Variants in ARHGAP33 observed in about 807,000 individuals in gnomAD.
ARHGAP33 encodes the protein rho GTPase-activating protein 33.
Under a neutral mutation model 126.2 loss-of-function variants are expected in ARHGAP33, and 57 were observed. The ratio of observed to expected loss-of-function variants is 0.45; its 90% confidence interval spans 0.36 to 0.56. The LOEUF is 0.56. ARHGAP33 is among the 20% of genes least tolerant of loss of function. The pLI is 0.00. For synonymous variants in ARHGAP33, 711 were observed against 755.0 expected (o/e 0.94, Z 0.95); for missense variants, 1,500 against 1,748.3 (o/e 0.86, Z 2.53).
At position 35,786,664 on chromosome 19, in the gene ARHGAP33, C is replaced by G; in HGVS notation, c.2194C>G (p.Leu732Val). The stretch of plus-strand genomic sequence containing the variant: ...GCTGGACTTCAGCCCACCCCGCTGC[C>G]TGGAGGGACTCCGGGGGCTGGACTT... ...DELDFSPPRC[L>V]EGLRGLDFDP... The change falls in exon 20 of 21, where the codon CTG becomes GTG. Residue 732 changes from leucine (L) to valine (V), a missense_variant. Coordinates refer to ENST00000007510, the MANE Select transcript of ARHGAP33 (RefSeq NM_001366178.1). The surrounding 1 kb of genome is among the most constrained non-coding windows in gnomAD (Gnocchi z 7.0). 6.5e-7 allele frequency: 1 copy of G among 1,535,830 alleles called. No homozygotes were observed.
At position 35,779,136 on chromosome 19, in the gene ARHGAP33, C is replaced by T. The variant is rs1283021643; in HGVS notation, c.501+12C>T. On this transcript the variant is annotated intron_variant, in intron 6 of 20. Transcript: ENST00000007510. ...TCACCTGGATGGAGGTGGGCCTGGG[C>T]AGGGGGCTTGGAGATTCCGAGTGGG... 3.2e-6 allele frequency: 5 copies of T among 1,548,752 alleles called. No homozygotes were observed. The highest frequency in any genetic ancestry group is 2.4e-5 in the South Asian group (2 of 83,852).
Position 35,782,423 on chromosome 19 carries a change from TG to T in ARHGAP33, c.1137del (p.Gln380ArgfsTer65), listed in dbSNP as rs1235566781. Reference protein sequence around the residue: ...RIPELSGPAFLQDIHSVSSLC... With the variant: ...RIPELSGPAFXQDIHSVSSLC... ...CCGGAGCTGTCTGGCCCTGCATTCC[TG>T]CAGGACATCCACAGCGTGTCCTCCC... On this transcript the variant is annotated frameshift_variant, in exon 13 of 21. Transcript: ENST00000007510. LOFTEE classifies it high-confidence loss of function. The surrounding 1 kb of genome is among the most constrained non-coding windows in gnomAD (Gnocchi z 4.1). The T allele has an allele frequency of 6.2e-7, 1 of 1,613,006 alleles. No homozygotes were observed. Among genetic ancestry groups the T allele is most frequent in the Non-Finnish European group, 8.5e-7 (1 of 1,179,024 alleles).
rs759489761 is a variant in ARHGAP33, at chr19:35,782,440, G to A, written c.1153G>A (p.Val385Met). ...TGCATTCCTGCAGGACATCCACAGC[G>A]TGTCCTCCCTCTGCAAGCTCTACTT... The part of the protein sequence containing the change: ...GPAFLQDIHS[V>M]SSLCKLYFRE... Residue 385 changes from valine (V) to methionine (M), a missense_variant, in exon 13 of 21, where the codon GTG (valine) becomes ATG (methionine). Physicochemically the swap from Val to Met is conservative, Grantham distance 21. Around this residue, in one of 6 missense-constraint regions of ARHGAP33, gnomAD observed 281 missense variants for 413.7 expected, o/e 0.68. Transcript: ENST00000007510. The surrounding 1 kb of genome is among the most constrained non-coding windows in gnomAD (Gnocchi z 4.1). 5.0e-6 allele frequency: 8 copies of A among 1,613,432 alleles called. No homozygotes were observed. The highest frequency in any genetic ancestry group is 3.3e-5 in the Admixed American group (2 of 59,988).
rs766247560 is a variant in ARHGAP33, at chr19:35,785,215, A to C, written c.1748A>C (p.Gln583Pro). ...AGGAAAGGGGAGAGAGGGGAGAAGC[A>C]GCGGAAGCCAGGGGGCAGCAGCTGG... ...ERRKGERGEK[Q>P]RKPGGSSWKT... Residue 583 changes from glutamine to proline, a missense_variant, in exon 18 of 21, where the codon CAG (glutamine) becomes CCG (proline). Physicochemically the swap from Gln to Pro is moderately conservative, Grantham distance 76 (BLOSUM62 -1). This residue lies in a region of ARHGAP33 where 300 missense variants were observed against 291.1 expected (regional missense o/e 1.03). Coordinates refer to ENST00000007510, the MANE Select transcript of ARHGAP33 (RefSeq NM_001366178.1). 2 of 1,579,482 alleles carry C rather than the reference A, an allele frequency of 1.3e-6. No individual in the cohort carries two copies. The highest frequency in any genetic ancestry group is 1.7e-6 in the Non-Finnish European group (2 of 1,159,484).
chr19:35,786,831 C>T lies in ARHGAP33; in HGVS notation c.2361C>T (p.Pro787=), dbSNP rs1011085541. 4 of 1,560,124 alleles carry T rather than the reference C, an allele frequency of 2.6e-6. No individual in the cohort carries two copies. The highest frequency in any genetic ancestry group is 2.7e-5 in the African/African-American group (2 of 73,842). ...TCTCGCCCCGGGGGCCCACCAGCCC[C>T]GCCTCGCCTGCTGCCCTAGACATCT... ...QAISPRGPTS[P]ASPAALDISE... Residue 787 remains proline, a synonymous_variant, in exon 20 of 21, where the codon CCC becomes CCT. Transcript: ENST00000007510. The surrounding 1 kb of genome is among the most constrained non-coding windows in gnomAD (Gnocchi z 7.0).
At position 35,780,669 on chromosome 19, in the gene ARHGAP33, G is replaced by A. The variant is rs1238030306; in HGVS notation, c.769+21G>A. 1.9e-6 allele frequency: 3 copies of A among 1,610,318 alleles called. No homozygotes were observed. In the African/African-American group the frequency reaches 4.0e-5, roughly 22 times the overall value. ...GGCGGGTAAGTGCCATGGATGGATG[G>A]GAGGTGTGGGGAGGGGTGGGAAGGG... is the stretch of plus-strand genomic sequence containing the variant. On this transcript the variant is annotated intron_variant, in intron 9 of 20. Coordinates refer to ENST00000007510, the MANE Select transcript of ARHGAP33 (RefSeq NM_001366178.1).
In ARHGAP33 at chr19:35,787,163, T is replaced by C. The variant is rs1972162111; in HGVS notation, c.2603-5T>C. ...AGCTGAACCCCTCTCCATTCATTTATATAGGTCCTGATATGGAGTCACCAC... is the reference window on the plus strand; with the variant it reads ...AGCTGAACCCCTCTCCATTCATTTACATAGGTCCTGATATGGAGTCACCAC... On this transcript the variant is annotated splice_polypyrimidine_tract_variant and splice_region_variant and intron_variant, in intron 20 of 20. Transcript: ENST00000007510. 1 of 1,609,280 alleles carries C rather than the reference T, an allele frequency of 6.2e-7. No homozygotes were observed. The highest frequency in any genetic ancestry group is 1.3e-5 in the African/African-American group (1 of 74,608).
rs1392445214 is a variant in ARHGAP33 at position 35,782,531 on chromosome 19, C to T, written c.1230+14C>T. On this transcript the variant is annotated intron_variant, in intron 13 of 20. Transcript: ENST00000007510. This position sits in a 1 kb window ranked among gnomAD's most constrained non-coding sequence, Gnocchi z 4.1. ...GGGAAGTTCAGTGTGAGTAAGGGAGCTGGCGGGACGGAGGGGGCCGGGACG... is the reference window on the plus strand; with the variant it reads ...GGGAAGTTCAGTGTGAGTAAGGGAGTTGGCGGGACGGAGGGGGCCGGGACG... 1 of 1,613,280 alleles carries T rather than the reference C, an allele frequency of 6.2e-7. No homozygotes were observed. The highest frequency in any genetic ancestry group is 2.2e-5 in the East Asian group (1 of 44,862).
chr19:35,784,203 G>A lies in ARHGAP33; in HGVS notation c.1453G>A (p.Gly485Ser). The change falls in exon 16 of 21, where the codon GGC becomes AGC. Residue 485 changes from glycine (G) to serine (S), a missense_variant. Around this residue, in one of 6 missense-constraint regions of ARHGAP33, gnomAD observed 281 missense variants for 413.7 expected, o/e 0.68. Coordinates refer to ENST00000007510, the MANE Select transcript of ARHGAP33 (RefSeq NM_001366178.1). ...GGAGCTGGAGTCAGTGGGAATGGGT[G>A]GCGCGGCGGCGTTCCGGGAAGTTCG... ...SMELESVGMG[G>S]AAAFREVRVQ... The A allele has an allele frequency of 1.2e-6, 2 of 1,611,814 alleles. No individual in the cohort carries two copies. The highest frequency in any genetic ancestry group is 8.5e-7 in the Non-Finnish European group (1 of 1,178,720).
At chr19:35,785,791 T>C (rs1034644165) in intron 19 of ARHGAP33, 1 of 1,214,508 alleles carries the variant, frequency 8.2e-7, no homozygotes, top group African/African-American at 1.6e-5. Flanking sequence ...AGCAGCCCCA[T>C]TCCTTCTCCC....
intron 1 of ARHGAP33, among the ~76,000 whole-genome samples, chr19:35,776,180 C>T (rs1436991528): frequency 1.3e-5 from 2 of 149,838 alleles, no homozygotes; most frequent in African/African-American, 2.5e-5. Flanking sequence ...TCTCAATCCC[C>T]CCCGCCCCGC....
intron 6 of ARHGAP33, chr19:35,779,708 C>T (rs1385412677): frequency 2.9e-6 from 1 of 342,036 alleles, no homozygotes; most frequent in Non-Finnish European, 5.8e-6. Flanking sequence ...GGATTATAGG[C>T]ATGAGCCACT....
chr19:35,777,852 C>A lies in ARHGAP33; in HGVS notation c.133C>A (p.Arg45=), dbSNP rs768123260. 1 of 1,614,084 alleles carries A rather than the reference C, an allele frequency of 6.2e-7. No individual in the cohort carries two copies. Among genetic ancestry groups the A allele is most frequent in the Admixed American group, 1.7e-5 (1 of 60,002 alleles). The change falls in exon 3 of 21, where the codon CGG becomes AGG. Residue 45 remains arginine (R), a synonymous_variant. Transcript: ENST00000007510. ...CTCAGCTCCTCGAGGCCCCTTCCCG[C>A]GGCTGGCTGACTGCGCCCATTTCCA... ...RLSAPRGPFP[R]LADCAHFHYE...
chr19:35,779,596 A>G (rs1408792111), intron 6 of ARHGAP33, among the ~76,000 whole-genome samples: 2 of 151,896 alleles, frequency 1.3e-5, no homozygotes, highest in African/African-American at 4.8e-5. Context: ...CGCCCGGCTA[A>G]TTTTATATTT....
At position 35,785,298 on chromosome 19, in the gene ARHGAP33, TGGCTGGGGGGC is replaced by T; in HGVS notation, c.1832_1842del (p.Trp611TyrfsTer76). ...TGTCCCTCGAAAGAAGCCCCTGCCC[TGGCTGGGGGGC>T]ACCCGTGCCCCACCGCAGCCTTCAG... On this transcript the variant is annotated frameshift_variant, in exon 18 of 21. Coordinates refer to ENST00000007510, the MANE Select transcript of ARHGAP33 (RefSeq NM_001366178.1). LOFTEE classifies it high-confidence loss of function. The T allele has an allele frequency of 6.2e-7, 1 of 1,604,354 alleles. No homozygotes were observed. The highest frequency in any genetic ancestry group is 1.3e-5 in the African/African-American group (1 of 74,566).
At chr19:35,779,270 A>G in intron 6 of ARHGAP33, 146 bp downstream of exon 6, 3 of 630,636 alleles carry the variant, frequency 4.8e-6, no homozygotes, top group Admixed American at 5.9e-5. Flanking sequence ...GTGTGGGCGC[A>G]TGCCTGTGAG....
intron 12 of ARHGAP33, among the ~76,000 whole-genome samples, chr19:35,781,848 C>T (rs968012894): frequency 9.9e-5 from 15 of 151,868 alleles, no homozygotes; most frequent in Admixed American, 3.9e-4. Context: ...GGCTCTGAGC[C>T]GGGGCGGGGT....
intron 6 of ARHGAP33, 107 bp downstream of exon 6, chr19:35,779,231 G>T: frequency 1.2e-6 from 1 of 834,204 alleles, no homozygotes; most frequent in Non-Finnish European, 1.9e-6. Flanking sequence ...AGGAGCCAGA[G>T]TGGAGGAGGC....
chr19:35,776,389 G>T (rs1971461182), intron 1 of ARHGAP33, among the ~76,000 whole-genome samples: 1 of 151,974 alleles, frequency 6.6e-6, no homozygotes, highest in East Asian at 1.9e-4. Flanking sequence ...CATTCACTGA[G>T]ACCGCCTCTG....
Sources: allele counts gnomAD v4.1 joint callset (sites outside exome capture counted in the v4.1 genomes callset), GRCh38; gene constraint gnomAD v4.1.1; regional missense constraint gnomAD v4.1.1; non-coding constraint Gnocchi (gnomAD v3.1); transcripts MANE v1.5; gene names NCBI Gene and HGNC (gene_info 2026-07-23, HGNC 2026-07-21).